Variants in STXBP5L observed in about 807,000 individuals in gnomAD.
STXBP5L encodes syntaxin-binding protein 5-like.
STXBP5L carries 65 observed loss-of-function variants against 144.5 expected under a neutral mutation model. That is an observed-to-expected ratio of 0.45 (90% CI 0.37 to 0.55). The LOEUF (loss-of-function observed/expected upper bound fraction) is 0.55, where lower values mean the gene tolerates loss of function less well. Among genes scored for constraint, STXBP5L ranks in the 20% least tolerant of loss-of-function variants. The pLI is 0.00. For missense variants in STXBP5L, 1,298 were observed against 1,405.5 expected, an observed-to-expected ratio of 0.92 and a Z score of 1.22; for synonymous variants, 505 against 469.6, an observed-to-expected ratio of 1.08 and a Z score of -0.97.
In STXBP5L at chr3:121,384,935, T is replaced by C. The variant is rs73855381; in HGVS notation, c.2587+3403T>C. On this transcript the variant is annotated intron_variant, in intron 22 of 26. Transcript: ENST00000471454. ...ATTTTAAGTTTTATTTATTTCTACTTAACTCTTTATGCTGCCAACTATAAA... is the reference window on the plus strand; with the variant it reads ...ATTTTAAGTTTTATTTATTTCTACTCAACTCTTTATGCTGCCAACTATAAA... Among the ~76,000 whole-genome samples, 1,200 of 152,184 alleles carry C rather than the reference T, an allele frequency of 7.9e-3. 14 individuals are homozygous for C. Among genetic ancestry groups the C allele is most frequent in the African/African-American group, 0.028 (1,157 of 41,534 alleles).
intron 2 of STXBP5L, among the ~76,000 whole-genome samples, chr3:120,933,965 A>G (rs554511263): frequency 2.2e-4 from 33 of 152,208 alleles, no homozygotes; most frequent in Non-Finnish European, 4.3e-4. Context: ...TTCATTTTGA[A>G]TGAAACCACC....
At position 120,930,140 on chromosome 3, in the gene STXBP5L, A is replaced by G. The variant is rs181325182; in HGVS notation, c.189+20373A>G. ...TTCTTTTTTATCCTCTACAATCCAG[A>G]GTTTGAATATTCATTTCTATTTTCT... On this transcript the variant is annotated intron_variant, in intron 2 of 26. Coordinates refer to ENST00000471454, the MANE Select transcript of STXBP5L (RefSeq NM_001308330.2). Among the ~76,000 whole-genome samples, 458 of 139,192 alleles carry G rather than the reference A, an allele frequency of 3.3e-3. 3 individuals are homozygous for G. The highest frequency in any genetic ancestry group is 0.012 in the African/African-American group (427 of 35,892). 91.3% of individuals were successfully genotyped at this position (139,192 alleles called of 152,430 possible).
At chr3:120,981,219 T>C (rs748042299) in intron 3 of STXBP5L, among the ~76,000 whole-genome samples, 1 of 152,160 alleles carries the variant, frequency 6.6e-6, no homozygotes, top group Non-Finnish European at 1.5e-5. Flanking sequence ...TCCAGGAGTT[T>C]TCTGACTTTC....
intron 25 of STXBP5L, among the ~76,000 whole-genome samples, chr3:121,418,100 T>A (rs1408972921): frequency 6.6e-6 from 1 of 152,236 alleles, no homozygotes; most frequent in African/African-American, 2.4e-5. Flanking sequence ...TGCCATATTG[T>A]ATGGAACACA....
chr3:121,012,580 G>T (rs1236075403), intron 3 of STXBP5L, among the ~76,000 whole-genome samples: 2 of 151,696 alleles, frequency 1.3e-5, no homozygotes, highest in Non-Finnish European at 3.0e-5. Flanking sequence ...CTGGACTAAT[G>T]ATGTTGACCT....
At chr3:121,394,902 A>G (rs1186617285) in intron 22 of STXBP5L, among the ~76,000 whole-genome samples, 1 of 152,016 alleles carries the variant, frequency 6.6e-6, no homozygotes, top group Non-Finnish European at 1.5e-5. Context: ...GTTTTAAAGG[A>G]TTTTTAGATT....
intron 3 of STXBP5L, among the ~76,000 whole-genome samples, chr3:121,012,128 A>G (rs1319234393): frequency 2.0e-5 from 3 of 151,718 alleles, no homozygotes; most frequent in East Asian, 3.8e-4. Flanking sequence ...AAGTTTATGC[A>G]TGTATCAATA....
At chr3:120,946,875 G>A (rs563287412) in intron 2 of STXBP5L, among the ~76,000 whole-genome samples, 19 of 151,720 alleles carry the variant, frequency 1.3e-4, no homozygotes, top group South Asian at 4.2e-4. Flanking sequence ...TTTTGTTTCC[G>A]GTAGTGCCTC....
At chr3:121,187,079 A>G (rs1010814833) in intron 9 of STXBP5L, among the ~76,000 whole-genome samples, 1 of 152,206 alleles carries the variant, frequency 6.6e-6, no homozygotes, top group Non-Finnish European at 1.5e-5. Context: ...TACCCAAAGG[A>G]TAATAAAAGA....
intron 19 of STXBP5L, among the ~76,000 whole-genome samples, chr3:121,302,837 G>C (rs960829365): frequency 6.6e-6 from 1 of 152,164 alleles, no homozygotes; most frequent in African/African-American, 2.4e-5. Context: ...TCTGTAGAAA[G>C]CTGAAACTGG....
chr3:121,096,962 G>C (rs559759641), intron 5 of STXBP5L, among the ~76,000 whole-genome samples: 3 of 152,168 alleles, frequency 2.0e-5, no homozygotes, highest in African/African-American at 7.2e-5. Flanking sequence ...CTTCCCCGAG[G>C]TGCTCTGTCC....
intron 9 of STXBP5L, among the ~76,000 whole-genome samples, chr3:121,159,940 C>CTAATTGT (rs1240305679): frequency 6.6e-6 from 1 of 152,032 alleles, no homozygotes; most frequent in Non-Finnish European, 1.5e-5. Flanking sequence ...CCGACATTTT[C>CTAATTGT]TAATTGTTAC....
chr3:120,960,679 G>A (rs146760050), intron 3 of STXBP5L, among the ~76,000 whole-genome samples: 1,701 of 151,740 alleles, frequency 0.011, 33 homozygotes, highest in African/African-American at 0.038. Flanking sequence ...CAAATACCGC[G>A]TGTTCTCACT....
chr3:121,192,430 C>G (rs970705690), intron 9 of STXBP5L, among the ~76,000 whole-genome samples: 1 of 152,184 alleles, frequency 6.6e-6, no homozygotes, highest in Non-Finnish European at 1.5e-5. Flanking sequence ...CCGTCTCCAT[C>G]AAGCTATCAA....
chr3:121,267,292 C>T (rs559463641), intron 18 of STXBP5L, among the ~76,000 whole-genome samples: 30 of 152,200 alleles, frequency 2.0e-4, no homozygotes, highest in East Asian at 7.7e-4. Context: ...ACAAACCTGA[C>T]GAAAACAAGC....
At chr3:121,154,235 T>C (rs550740800) in intron 8 of STXBP5L, among the ~76,000 whole-genome samples, 47 of 152,006 alleles carry the variant, frequency 3.1e-4, no homozygotes, top group Non-Finnish European at 2.7e-4. Flanking sequence ...CTTTAATGTG[T>C]CATTATATGC....
chr3:121,201,801 C>T (rs540215300), intron 9 of STXBP5L, among the ~76,000 whole-genome samples: 2 of 152,186 alleles, frequency 1.3e-5, no homozygotes, highest in Non-Finnish European at 2.9e-5. Context: ...ATGAAATTCT[C>T]GTTTGAAAAT....
chr3:121,115,054 T>C lies in STXBP5L; in HGVS notation c.600T>C (p.Ile200=). ...SGYVIMWNKA[I]ELSTKTHPGP... is the part of the protein sequence containing the mutation. ...ATGTTATCATGTGGAACAAGGCAAT[T>C]GAACTGTAAGTTTGAACTTGGATAT... Residue 200 remains isoleucine, a synonymous_variant, in exon 6 of 27, where the codon ATT becomes ATC. Transcript: ENST00000471454. 1.2e-6 allele frequency: 2 copies of C among 1,600,970 alleles called. No homozygotes were observed. Among genetic ancestry groups the C allele is most frequent in the Non-Finnish European group, 1.7e-6 (2 of 1,175,838 alleles).
intron 10 of STXBP5L, among the ~76,000 whole-genome samples, chr3:121,218,024 T>C (rs1050741356): frequency 1.4e-5 from 2 of 144,386 alleles, no homozygotes; most frequent in Non-Finnish European, 1.5e-5. Context: ...TATACTATAG[T>C]ATAATATACT....
Sources: gnomAD v4.1 joint callset for allele counts (sites outside exome capture counted in the v4.1 genomes callset) on GRCh38, gnomAD v4.1.1 for gene constraint, MANE v1.5 for transcripts, NCBI Gene and HGNC (gene_info 2026-07-23, HGNC 2026-07-21) for gene names.